The following ANKRD18A variants were observed in gnomAD, a reference collection of about 807,000 sequenced individuals.
ANKRD18A encodes the protein ankyrin repeat domain 18A.
In ANKRD18A, 72 loss-of-function variants were observed where a neutral mutation model predicts 110.6. That is an observed-to-expected ratio of 0.65 (90% CI 0.54 to 0.79). The LOEUF is 0.79. ANKRD18A is among the 30% of genes least tolerant of loss of function. ANKRD18A has a pLI of 0.00. For synonymous variants in ANKRD18A, 305 were observed against 410.3 expected, an observed-to-expected ratio of 0.74 and a Z score of 3.10; for missense variants, 934 against 1,163.3, an observed-to-expected ratio of 0.80 and a Z score of 2.87.
chr9:38,567,900 C>T (rs933612129), downstream of ANKRD18A: 2 of 152,390 alleles, frequency 1.3e-5, no homozygotes, highest in African/African-American at 4.8e-5. Context: ...CCCTGTGGTC[C>T]ATCTTCTTGG....
Position 38,600,593 on chromosome 9 carries a change from C to T in ANKRD18A, c.936+538G>A, listed in dbSNP as rs188043878. 6.7e-4 allele frequency among the ~76,000 whole-genome samples: 102 copies of T among 152,282 alleles called. 1 individual carries two copies. Among genetic ancestry groups the T allele is most frequent in the East Asian group, 3.5e-3 (18 of 5,180 alleles). On this transcript the variant is annotated intron_variant, in intron 8 of 15. Transcript: ENST00000399703. Reference sequence around the variant, plus strand: ...GACACCAAAGTCCCATTCTGGAAAGCATAATTCTCTCAATAGGCAGTTGGA... The same window carrying T: ...GACACCAAAGTCCCATTCTGGAAAGTATAATTCTCTCAATAGGCAGTTGGA...
At chr9:38,585,256 T>C (rs1440956207) in intron 12 of ANKRD18A, among the ~76,000 whole-genome samples, 1 of 152,214 alleles carries the variant, frequency 6.6e-6, no homozygotes, top group South Asian at 2.1e-4. Flanking sequence ...TTAACCTCCA[T>C]AATGACCTTA....
intron 9 of ANKRD18A, among the ~76,000 whole-genome samples, 174 bp downstream of exon 9, chr9:38,595,312 T>A (rs182667365): frequency 6.6e-6 from 1 of 152,256 alleles, no homozygotes; most frequent in Admixed American, 6.5e-5. Flanking sequence ...CAAACATTAA[T>A]CATCTTTCTG....
downstream of ANKRD18A, chr9:38,571,256 G>T: frequency 1.4e-6 from 2 of 1,463,020 alleles, no homozygotes; most frequent in South Asian, 1.4e-5. Flanking sequence ...AAGTAAAAAA[G>T]TGCTGACAGA....
intron 9 of ANKRD18A, among the ~76,000 whole-genome samples, chr9:38,594,332 T>C (rs1452312685): frequency 6.6e-6 from 1 of 152,126 alleles, no homozygotes; most frequent in Non-Finnish European, 1.5e-5. Flanking sequence ...AATCCCACTC[T>C]CTGTGAACTC....
rs555931284 is a variant in ANKRD18A, at chr9:38,605,381, A to G, written c.808+2045T>C. ...ATTCTATTATGAGCACCTTAAAGAC[A>G]AAAACTATGTCAATTCCATCTTTGT... On this transcript the variant is annotated intron_variant, in intron 6 of 15. Coordinates refer to ENST00000399703, the MANE Select transcript of ANKRD18A (RefSeq NM_147195.4). Among the ~76,000 whole-genome samples, 552 of 152,348 alleles carry G rather than the reference A, an allele frequency of 3.6e-3. 5 individuals are homozygous for G. Among genetic ancestry groups the G allele is most frequent in the Non-Finnish European group, 4.2e-3 (285 of 68,040 alleles).
In ANKRD18A at chr9:38,615,772, T is replaced by C. The variant is rs1245331089; in HGVS notation, c.322-5A>G. 1 of 1,608,146 alleles carries C rather than the reference T, an allele frequency of 6.2e-7. No homozygotes were observed. Among genetic ancestry groups the C allele is most frequent in the Non-Finnish European group, 8.5e-7 (1 of 1,178,492 alleles). ...CTCTTCCTGGCTGTGTACAGCCTAT[T>C]AGTGTTAGATAAAAAACTAGACTAT... On this transcript the variant is annotated splice_polypyrimidine_tract_variant and splice_region_variant and intron_variant, in intron 2 of 15. Coordinates refer to ENST00000399703, the MANE Select transcript of ANKRD18A (RefSeq NM_147195.4).
chr9:38,584,675 T>A (rs1824299925), intron 12 of ANKRD18A, among the ~76,000 whole-genome samples: 1 of 152,122 alleles, frequency 6.6e-6, no homozygotes. Context: ...CAACAGCACA[T>A]CTTTTGTAAG....
At chr9:38,612,521 C>CTTTTT (rs767816627) in intron 3 of ANKRD18A, among the ~76,000 whole-genome samples, 6,623 of 124,110 alleles carry the variant, frequency 0.053, 623 homozygotes, top group African/African-American at 0.21. Flanking sequence ...TTTTCTTTTT[C>CTTTTT]TTTTTTTTTT....
At chr9:38,619,044 G>A (rs1288347287) in intron 1 of ANKRD18A, among the ~76,000 whole-genome samples, 1 of 151,202 alleles carries the variant, frequency 6.6e-6, no homozygotes, top group Non-Finnish European at 1.5e-5. Context: ...TTTTTCGAGT[G>A]TGTTATCTTT....
chr9:38,566,558 T>A (rs1823488897), downstream of ANKRD18A: 3 of 152,212 alleles, frequency 2.0e-5, no homozygotes, highest in South Asian at 6.2e-4. Flanking sequence ...CCAACCTCTG[T>A]CCATTACCTA....
intron 3 of ANKRD18A, among the ~76,000 whole-genome samples, chr9:38,613,169 G>A (rs1401222433): frequency 2.0e-5 from 3 of 151,812 alleles, no homozygotes; most frequent in Admixed American, 6.6e-5. Flanking sequence ...ACTCAGGTGG[G>A]CACAGTAGCA....
intron 15 of ANKRD18A, among the ~76,000 whole-genome samples, chr9:38,574,219 G>A (rs1397050870): frequency 1.3e-5 from 2 of 152,122 alleles, no homozygotes; most frequent in Admixed American, 6.5e-5. Context: ...CCATGTTGCT[G>A]CAAAGGACAT....
At chr9:38,609,736 C>T (rs1022881499) in intron 5 of ANKRD18A, among the ~76,000 whole-genome samples, 1 of 151,884 alleles carries the variant, frequency 6.6e-6, no homozygotes, top group Non-Finnish European at 1.5e-5. Context: ...TAGGGAACCC[C>T]TTAGCTTTTT....
At chr9:38,601,013 C>T (rs1391283371) in intron 8 of ANKRD18A, 118 bp downstream of exon 8, 1 of 855,656 alleles carries the variant, frequency 1.2e-6, no homozygotes, top group Non-Finnish European at 1.7e-6. Flanking sequence ...TGAAATTATG[C>T]TCTGTTGGAT....
intron 12 of ANKRD18A, 134 bp downstream of exon 12, chr9:38,586,048 CG>C (rs1301659269): frequency 5.2e-6 from 5 of 968,166 alleles, no homozygotes; most frequent in Admixed American, 3.2e-5. Context: ...CTAATGCCTA[CG>C]GGGCTTAATA....
At chr9:38,591,414 A>C (rs1467393210) in intron 10 of ANKRD18A, among the ~76,000 whole-genome samples, 1 of 152,230 alleles carries the variant, frequency 6.6e-6, no homozygotes. Flanking sequence ...TGAAATGGAG[A>C]GAATAATACC....
chr9:38,569,063 G>A, downstream of ANKRD18A: 7 of 985,402 alleles, frequency 7.1e-6, no homozygotes, highest in Admixed American at 6.1e-5. Flanking sequence ...ATGCTGCCCT[G>A]GCTTCTTCCA....
chr9:38,568,663 C>T (rs973066360), downstream of ANKRD18A: 52 of 930,226 alleles, frequency 5.6e-5, no homozygotes, highest in Middle Eastern at 1.7e-3. Flanking sequence ...CCAGCTTGGC[C>T]TTGCCTGGCA....
Sources: gnomAD v4.1 joint callset for allele counts (sites outside exome capture counted in the v4.1 genomes callset) on GRCh38, gnomAD v4.1.1 for gene constraint, MANE v1.5 for transcripts, NCBI Gene and HGNC (gene_info 2026-07-23, HGNC 2026-07-21) for gene names.